Variants in BCAS3 observed in about 807,000 individuals in gnomAD.
The protein encoded by BCAS3 is BCAS3 microtubule associated cell migration factor.
BCAS3 carries 53 observed loss-of-function variants against 116.1 expected under a neutral mutation model. The ratio of observed to expected loss-of-function variants is 0.46; its 90% CI spans 0.37 to 0.57. The LOEUF is 0.57. Ranked by LOEUF, BCAS3 falls within the 20% of genes least tolerant of loss-of-function variation. The pLI, the probability that BCAS3 is intolerant of heterozygous loss-of-function variation, is 0.00. For synonymous variants in BCAS3, 391 were observed against 408.2 expected (o/e 0.96, Z 0.51); for missense variants, 917 against 1,165.4 (o/e 0.79, Z 3.10).
At chr17:60,998,989 T>C (rs1341835961) in intron 15 of BCAS3, among the ~76,000 whole-genome samples, 1 of 152,202 alleles carries the variant, frequency 6.6e-6, no homozygotes, top group Non-Finnish European at 1.5e-5. Flanking sequence ...TTAATTTTTG[T>C]ATGTGGTGAG....
chr17:60,687,852 A>T (rs1041738419), intron 3 of BCAS3, among the ~76,000 whole-genome samples: 1 of 152,136 alleles, frequency 6.6e-6, no homozygotes, highest in African/African-American at 2.4e-5. Flanking sequence ...CTGAGTAAAA[A>T]ACACCATGTC....
chr17:60,895,934 T>C (rs1341838262), intron 10 of BCAS3, among the ~76,000 whole-genome samples: 1 of 152,222 alleles, frequency 6.6e-6, no homozygotes, highest in Non-Finnish European at 1.5e-5. Flanking sequence ...GCCTAACATA[T>C]GGTCTATCAT....
At chr17:60,758,098 G>C (rs1190858523) in intron 6 of BCAS3, among the ~76,000 whole-genome samples, 1 of 151,998 alleles carries the variant, frequency 6.6e-6, no homozygotes, top group Non-Finnish European at 1.5e-5. Flanking sequence ...CTCCTATTCT[G>C]TTCCATTGGT....
intron 22 of BCAS3, among the ~76,000 whole-genome samples, chr17:61,100,080 G>A (rs2074229073): frequency 6.6e-6 from 1 of 152,154 alleles, no homozygotes; most frequent in South Asian, 2.1e-4. Flanking sequence ...ATTTGGAAAG[G>A]CAACAGTTAT....
intron 22 of BCAS3, among the ~76,000 whole-genome samples, chr17:61,312,346 G>A (rs776239377): frequency 1.1e-4 from 17 of 152,300 alleles, no homozygotes; most frequent in African/African-American, 2.9e-4. Context: ...CAGTTCTCCC[G>A]AAAGACAGGT....
chr17:60,965,909 G>A (rs1297851282), intron 14 of BCAS3, among the ~76,000 whole-genome samples: 1 of 152,126 alleles, frequency 6.6e-6, no homozygotes, highest in African/African-American at 2.4e-5. Flanking sequence ...TTTTATGTCT[G>A]AATGATTTGT....
chr17:60,898,721 A>G (rs1477954371), intron 10 of BCAS3, among the ~76,000 whole-genome samples: 1 of 152,130 alleles, frequency 6.6e-6, no homozygotes, highest in Non-Finnish European at 1.5e-5. Context: ...GCAATGGTGA[A>G]CAGTATGGGT....
Position 61,045,286 on chromosome 17 carries a change from ATTGT to A in BCAS3, c.2029+4399_2029+4402del, listed in dbSNP as rs770262830. 1.3e-5 allele frequency among the ~76,000 whole-genome samples: 2 copies of A among 151,470 alleles called. 1 individual carries two copies. Among genetic ancestry groups the A allele is most frequent in the South Asian group, 4.2e-4 (2 of 4,796 alleles). On this transcript the variant is annotated intron_variant, in intron 19 of 23. Transcript: ENST00000407086. Reference sequence around the variant, plus strand: ...TACTTTGGAAGGCCAAGGTGGGAAGATTGTTTGTGGCCAGAAGTTCAAGACCATC... The same window carrying A: ...TACTTTGGAAGGCCAAGGTGGGAAGATTGTGGCCAGAAGTTCAAGACCATC...
chr17:60,725,541 A>G (rs2039730934), intron 5 of BCAS3, among the ~76,000 whole-genome samples: 1 of 152,170 alleles, frequency 6.6e-6, no homozygotes, highest in South Asian at 2.1e-4. Context: ...AAATATTTGC[A>G]GTCTGTGTCA....
At chr17:60,805,586 G>C (rs2144612684) in intron 6 of BCAS3, among the ~76,000 whole-genome samples, 1 of 152,248 alleles carries the variant, frequency 6.6e-6, no homozygotes, top group African/African-American at 2.4e-5. Context: ...CCAGCACTTT[G>C]GGAGGCCGAG....
chr17:60,700,986 G>A (rs950073885), intron 4 of BCAS3, among the ~76,000 whole-genome samples: 11 of 152,150 alleles, frequency 7.2e-5, no homozygotes, highest in Middle Eastern at 3.2e-3. Context: ...GCTGACATCT[G>A]TAATCCCAGC....
intron 16 of BCAS3, chr17:61,027,228 A>G (rs2066315068): frequency 2.3e-6 from 1 of 429,786 alleles, no homozygotes; most frequent in African/African-American, 2.0e-5. Flanking sequence ...AGCTTTGAGT[A>G]TTATGGCATT....
rs79521803 is a variant in BCAS3 at position 61,012,867 on chromosome 17, T to A, written c.1487-2884T>A. Among the ~76,000 whole-genome samples the A allele has an allele frequency of 0.052, 7,876 of 152,096 alleles. 735 individuals carry two copies. Among genetic ancestry groups the A allele is most frequent in the African/African-American group, 0.18 (7,436 of 41,492 alleles). On this transcript the variant is annotated intron_variant, in intron 15 of 23. Transcript: ENST00000407086. The surrounding 1 kb of genome is among the most constrained non-coding windows in gnomAD (Gnocchi z 4.5). ...TAGACCACTCCTTTTATCTGTCAAA[T>A]TCAATGACTTCAACATCTATACTGT...
At chr17:61,166,572 GT>G (rs1220153126) in intron 22 of BCAS3, among the ~76,000 whole-genome samples, 2 of 151,368 alleles carry the variant, frequency 1.3e-5, no homozygotes, top group African/African-American at 4.9e-5. Context: ...TGATTTTTGT[GT>G]TTTTAGTGGA....
chr17:60,993,556 C>T lies in BCAS3; in HGVS notation c.1486+3321C>T, dbSNP rs570793645. 4.6e-5 allele frequency among the ~76,000 whole-genome samples: 7 copies of T among 152,206 alleles called. No homozygotes were observed. Among genetic ancestry groups the T allele is most frequent in the Admixed American group, 2.0e-4 (3 of 15,288 alleles). ...GTTTTTCTCATTTTTGAAGCATGGA[C>T]TTTAGAGTGATGGTCATTTTTCTTC... On this transcript the variant is annotated intron_variant, in intron 15 of 23. Transcript: ENST00000407086. The surrounding 1 kb of genome is among the most constrained non-coding windows in gnomAD (Gnocchi z 4.2).
At position 61,204,072 on chromosome 17, in the gene BCAS3, G is replaced by A. The variant is rs957612004; in HGVS notation, c.2425+119508G>A. 6.6e-6 allele frequency among the ~76,000 whole-genome samples: 1 copy of A among 152,076 alleles called. No individual in the cohort carries two copies. Among genetic ancestry groups the A allele is most frequent in the African/African-American group, 2.4e-5 (1 of 41,392 alleles). ...CTAACTGTTTTACAAATGTTTCCTC[G>A]CTCTGGGAGGTTTGATACACTCTTC... is the stretch of plus-strand genomic sequence containing the variant. On this transcript the variant is annotated intron_variant, in intron 22 of 23. Transcript: ENST00000407086. The surrounding 1 kb of genome is among the most constrained non-coding windows in gnomAD (Gnocchi z 4.2).
intron 22 of BCAS3, among the ~76,000 whole-genome samples, chr17:61,351,668 A>G (rs2057857280): frequency 6.6e-6 from 1 of 152,222 alleles, no homozygotes; most frequent in Non-Finnish European, 1.5e-5. Flanking sequence ...CTTTTTGCCA[A>G]CAGAGCTCAA....
At chr17:60,867,679 A>G (rs1228352290) in intron 7 of BCAS3, among the ~76,000 whole-genome samples, 1 of 152,154 alleles carries the variant, frequency 6.6e-6, no homozygotes, top group Non-Finnish European at 1.5e-5. Context: ...GATGATCTAT[A>G]TTTCTATGCA....
At chr17:61,185,945 GAA>G (rs2079746218) in intron 22 of BCAS3, among the ~76,000 whole-genome samples, 1 of 151,956 alleles carries the variant, frequency 6.6e-6, no homozygotes, top group Non-Finnish European at 1.5e-5. Flanking sequence ...TACTGACTAA[GAA>G]AATACAAAAT....
Sources: gnomAD v4.1 joint callset for allele counts (sites outside exome capture counted in the v4.1 genomes callset) on GRCh38, gnomAD v4.1.1 for gene constraint, Gnocchi (gnomAD v3.1) non-coding constraint, MANE v1.5 for transcripts, NCBI Gene and HGNC (gene_info 2026-07-23, HGNC 2026-07-21) for gene names.